Variants in MEI4 observed in about 807,000 individuals in gnomAD.
MEI4 encodes meiotic double-stranded break formation protein 4, also known as meiosis-specific protein MEI4.
A neutral mutation model predicts 31.4 loss-of-function variants in MEI4; 27 were observed. That is an observed-to-expected ratio of 0.86 (90% confidence interval 0.63 to 1.19). The LOEUF (loss-of-function observed/expected upper bound fraction) is 1.19. Among genes scored for constraint, MEI4 ranks in the 50% most tolerant of loss-of-function variants. The pLI is 0.00. For missense variants in MEI4, 329 were observed against 398.9 expected (o/e 0.82, Z 1.49); for synonymous variants, 122 against 145.4 (o/e 0.84, Z 1.16).
chr6:77,903,531 A>C (rs1766228752), intron 4 of MEI4, among the ~76,000 whole-genome samples: 1 of 152,138 alleles, frequency 6.6e-6, no homozygotes, highest in Non-Finnish European at 1.5e-5. Context: ...GGGTTTATTC[A>C]AATGTAATCC....
intron 1 of MEI4, among the ~76,000 whole-genome samples, chr6:77,677,656 A>G (rs1206520624): frequency 1.3e-5 from 2 of 152,154 alleles, no homozygotes; most frequent in East Asian, 1.9e-4. Flanking sequence ...ACCTCTCCAC[A>G]TGTCCTCACC....
chr6:77,803,485 C>A (rs1769334384), intron 3 of MEI4, among the ~76,000 whole-genome samples: 2 of 152,210 alleles, frequency 1.3e-5, no homozygotes. Context: ...CAAAGTCATT[C>A]TCCATCCAGC....
At chr6:77,742,815 A>T (rs532062324) in intron 2 of MEI4, among the ~76,000 whole-genome samples, 2 of 152,090 alleles carry the variant, frequency 1.3e-5, no homozygotes, top group Non-Finnish European at 2.9e-5. Context: ...TAAGGAAGGG[A>T]TCCAGTTTCA....
At chr6:77,868,160 T>C (rs62425091) in intron 4 of MEI4, among the ~76,000 whole-genome samples, 53 of 151,558 alleles carry the variant, frequency 3.5e-4, no homozygotes, top group Non-Finnish European at 6.2e-4. Flanking sequence ...ATGACACATG[T>C]ATACATATGT....
At chr6:77,798,177 A>T (rs1769133458) in intron 3 of MEI4, among the ~76,000 whole-genome samples, 1 of 151,972 alleles carries the variant, frequency 6.6e-6, no homozygotes, top group Non-Finnish European at 1.5e-5. Flanking sequence ...TATAACTAAA[A>T]AATCAACAGG....
At chr6:77,705,136 G>A (rs1260862362) in intron 2 of MEI4, among the ~76,000 whole-genome samples, 1 of 152,004 alleles carries the variant, frequency 6.6e-6, no homozygotes, top group Non-Finnish European at 1.5e-5. Context: ...CTAACAATTG[G>A]GTGTTGTTGA....
At chr6:77,727,788 C>T (rs1766864526) in intron 2 of MEI4, among the ~76,000 whole-genome samples, 2 of 152,304 alleles carry the variant, frequency 1.3e-5, no homozygotes, top group South Asian at 2.1e-4. Flanking sequence ...AACCATAAGC[C>T]TATATAAGGC....
At chr6:77,912,395 T>C (rs540053214) in intron 4 of MEI4, among the ~76,000 whole-genome samples, 2 of 152,194 alleles carry the variant, frequency 1.3e-5, no homozygotes, top group African/African-American at 4.8e-5. Flanking sequence ...TTGTATTGAA[T>C]CTGTAGATTA....
intron 2 of MEI4, among the ~76,000 whole-genome samples, chr6:77,691,209 A>G (rs1769151061): frequency 6.6e-6 from 1 of 151,982 alleles, no homozygotes; most frequent in African/African-American, 2.4e-5. Context: ...TTTTATATTC[A>G]GTAGTTAATC....
At chr6:77,710,715 T>C (rs7761742) in intron 2 of MEI4, among the ~76,000 whole-genome samples, 78,130 of 151,940 alleles carry the variant, frequency 0.51, 21,903 homozygotes, top group Non-Finnish European at 0.62. Flanking sequence ...TTACAATCAT[T>C]TGGGGAGCTG....
chr6:77,742,391 C>A (rs1405802521), intron 2 of MEI4, among the ~76,000 whole-genome samples: 5 of 151,750 alleles, frequency 3.3e-5, no homozygotes, highest in African/African-American at 4.8e-5. Flanking sequence ...GCATTTTTTC[C>A]TGTGTTTTTT....
At chr6:77,914,236 A>G (rs955891284) in intron 4 of MEI4, among the ~76,000 whole-genome samples, 3 of 151,798 alleles carry the variant, frequency 2.0e-5, no homozygotes, top group African/African-American at 7.3e-5. Flanking sequence ...TTTTATTACT[A>G]TAAACTTTCC....
intron 4 of MEI4, among the ~76,000 whole-genome samples, chr6:77,833,993 T>C (rs1315353705): frequency 6.6e-6 from 1 of 152,174 alleles, no homozygotes; most frequent in Non-Finnish European, 1.5e-5. Context: ...TAGTATTCCA[T>C]GGTGTATATG....
At chr6:77,798,695 A>G (rs1243433854) in intron 3 of MEI4, among the ~76,000 whole-genome samples, 5 of 128,320 alleles carry the variant, frequency 3.9e-5, no homozygotes, top group Non-Finnish European at 4.6e-5. Context: ...TCCTGTGTCC[A>G]TGTGTTCTCA....
intron 4 of MEI4, among the ~76,000 whole-genome samples, chr6:77,834,074 C>A (rs1297306617): frequency 6.6e-6 from 1 of 152,108 alleles, no homozygotes; most frequent in East Asian, 1.9e-4. Flanking sequence ...AACTTAGCTC[C>A]AACCTGGACC....
Position 77,900,730 on chromosome 6 carries a change from A to C in MEI4, c.901-22359A>C, listed in dbSNP as rs1581963283. On this transcript the variant is annotated intron_variant, in intron 4 of 4. Coordinates refer to ENST00000684080, the MANE Select transcript of MEI4 (RefSeq NM_001322247.2). The stretch of plus-strand genomic sequence containing the variant: ...TACATACTTACATTTTTGTGATAAG[A>C]ACACTTAAAATATACTTCTTAAAAC... Among the ~76,000 whole-genome samples, 4 of 152,074 alleles carry C rather than the reference A, an allele frequency of 2.6e-5. No individual in the cohort carries two copies. In the East Asian group the frequency reaches 7.7e-4, roughly 29 times the overall value.
chr6:77,806,966 G>A (rs917305370), intron 3 of MEI4, among the ~76,000 whole-genome samples: 8 of 152,010 alleles, frequency 5.3e-5, no homozygotes, highest in South Asian at 4.1e-4. Flanking sequence ...AATATATTTC[G>A]TATCTGACCT....
At chr6:77,840,437 T>C (rs1250639704) in intron 4 of MEI4, among the ~76,000 whole-genome samples, 1 of 151,678 alleles carries the variant, frequency 6.6e-6, no homozygotes, top group East Asian at 1.9e-4. Context: ...CAAAAGTATA[T>C]TTGAAAATAA....
At chr6:77,881,234 A>G (rs932950168) in intron 4 of MEI4, among the ~76,000 whole-genome samples, 1 of 152,178 alleles carries the variant, frequency 6.6e-6, no homozygotes, top group Admixed American at 6.5e-5. Flanking sequence ...TGCTGAAAGC[A>G]TCTAAAACTT....
Sources: gnomAD v4.1 joint callset for allele counts (sites outside exome capture counted in the v4.1 genomes callset) on GRCh38, gnomAD v4.1.1 for gene constraint, MANE v1.5 for transcripts, NCBI Gene and HGNC (gene_info 2026-07-23, HGNC 2026-07-21) for gene names.